The following NAV2 variants were observed in gnomAD, a reference collection of about 807,000 sequenced individuals.
NAV2 encodes neuron navigator 2, also known as helicase, APC down-regulated 1.
A neutral mutation model predicts 223.2 loss-of-function variants in NAV2; 54 were observed. The observed-to-expected ratio is 0.24, with a 90% confidence interval of 0.19 to 0.30. The LOEUF (loss-of-function observed/expected upper bound fraction) is 0.30, where lower values mean the gene tolerates loss of function less well. Ranked by LOEUF, NAV2 falls within the 10% of genes least tolerant of loss-of-function variation. The probability of loss-of-function intolerance (pLI) is 1.00; values close to 1 mark genes in which losing one functional copy is unlikely to be tolerated. For missense variants in NAV2, 2,806 were observed against 3,147.5 expected (o/e 0.89, Z 2.60); for synonymous variants, 1,279 against 1,239.3 (o/e 1.03, Z -0.67).
At position 19,690,181 on chromosome 11, in the gene NAV2, A is replaced by G. The variant is rs1258749209; in HGVS notation, c.76-142303A>G. On this transcript the variant is annotated intron_variant, in intron 1 of 37. Coordinates refer to the NAV2 transcript ENST00000360655. Reference sequence around the variant, plus strand: ...TTCACCATGTTGGTCAGGCTGCTCTAGAACTCCTGACCTTAGGTGATCCAC... The same window carrying G: ...TTCACCATGTTGGTCAGGCTGCTCTGGAACTCCTGACCTTAGGTGATCCAC... Among the ~76,000 whole-genome samples, 3 of 152,122 alleles carry G rather than the reference A, an allele frequency of 2.0e-5. No homozygotes were observed. The East Asian group carries it at 5.8e-4, about 29-fold the overall frequency.
intron 10 of NAV2, chr11:19,978,741 CCT>C (rs907214238): frequency 3.3e-5 from 5 of 149,544 alleles, no homozygotes; most frequent in African/African-American, 1.2e-4. Context: ...TTCTCTGTCC[CCT>C]CTCTCCTCAC....
chr11:19,890,423 A>G (rs538889801), intron 5 of NAV2, among the ~76,000 whole-genome samples: 2 of 152,324 alleles, frequency 1.3e-5, no homozygotes, highest in African/African-American at 4.8e-5. Flanking sequence ...GCTCTCCAGC[A>G]ACTCTGAAAG....
chr11:19,521,382 C>A (rs2043650460), intron 1 of NAV2, among the ~76,000 whole-genome samples: 1 of 152,162 alleles, frequency 6.6e-6, no homozygotes, highest in African/African-American at 2.4e-5. Context: ...CTTTGAGGAG[C>A]ACAGGCTTTA....
intron 1 of NAV2, among the ~76,000 whole-genome samples, chr11:19,435,666 C>T (rs1441553485): frequency 2.6e-5 from 4 of 152,106 alleles, no homozygotes; most frequent in African/African-American, 9.7e-5. Context: ...TTCCAAAATG[C>T]CTATACTGAT....
At chr11:19,468,130 C>T (rs1003531136) in intron 1 of NAV2, among the ~76,000 whole-genome samples, 3 of 152,190 alleles carry the variant, frequency 2.0e-5, no homozygotes, top group Admixed American at 1.3e-4. Flanking sequence ...TTGAGTCAGA[C>T]AAACTTGGCT....
At position 19,907,537 on chromosome 11, in the gene NAV2, A is replaced by G. The variant is rs910517027; in HGVS notation, c.931+14943A>G. Among the ~76,000 whole-genome samples, 7 of 148,154 alleles carry G rather than the reference A, an allele frequency of 4.7e-5. 1 individual carries two copies. Among genetic ancestry groups the G allele is most frequent in the Middle Eastern group, 3.2e-3 (1 of 308 alleles). On this transcript the variant is annotated intron_variant, in intron 6 of 37. Transcript: ENST00000349880. ...CACTGCCACTCATAGGGGGAGGGGG[A>G]ATTTGAGACAGAAGTATTGATTGAA...
intron 1 of NAV2, among the ~76,000 whole-genome samples, chr11:19,537,708 T>C (rs2044228613): frequency 6.6e-6 from 1 of 152,272 alleles, no homozygotes; most frequent in African/African-American, 2.4e-5. Context: ...TCCTTAGTTC[T>C]AGACACAATC....
intron 1 of NAV2, among the ~76,000 whole-genome samples, chr11:19,655,377 C>G (rs1327096027): frequency 1.3e-5 from 2 of 152,112 alleles, no homozygotes; most frequent in African/African-American, 2.4e-5. Flanking sequence ...TTTGACCCAG[C>G]CATCCCATTA....
intron 10 of NAV2, among the ~76,000 whole-genome samples, chr11:19,958,888 G>T (rs1339118880): frequency 1.3e-5 from 2 of 152,210 alleles, no homozygotes; most frequent in African/African-American, 4.8e-5. Flanking sequence ...GCTCAGGTTA[G>T]AAGCTATTCC....
At chr11:20,105,379 T>C (rs189883411) in intron 34 of NAV2, 152 bp from the exon 35 acceptor site, 115 of 596,214 alleles carry the variant, frequency 1.9e-4, no homozygotes, top group Non-Finnish European at 6.2e-5. Context: ...TAATACATAG[T>C]TACAATGTTT....
intron 1 of NAV2, among the ~76,000 whole-genome samples, chr11:19,381,827 G>A (rs986880152): frequency 6.6e-6 from 1 of 152,210 alleles, no homozygotes; most frequent in Non-Finnish European, 1.5e-5. Context: ...AAGAGAGATG[G>A]GAGATACAGG....
intron 1 of NAV2, among the ~76,000 whole-genome samples, chr11:19,489,497 C>T (rs999567680): frequency 6.6e-6 from 1 of 152,222 alleles, no homozygotes; most frequent in African/African-American, 2.4e-5. Flanking sequence ...ACTTTTATCA[C>T]TTCCTACATC....
At chr11:20,047,951 C>A (rs970578217) in intron 14 of NAV2, among the ~76,000 whole-genome samples, 1 of 152,186 alleles carries the variant, frequency 6.6e-6, no homozygotes, top group African/African-American at 2.4e-5. Flanking sequence ...CCAGAGAGTT[C>A]TCTGCCAGTG....
chr11:19,604,040 G>A (rs542327032), intron 1 of NAV2, among the ~76,000 whole-genome samples: 37 of 152,080 alleles, frequency 2.4e-4, no homozygotes, highest in African/African-American at 8.9e-4. Flanking sequence ...AGGGAGCAAG[G>A]GGAAGAGAAG....
At chr11:19,818,952 T>G (rs1172902667) in intron 1 of NAV2, among the ~76,000 whole-genome samples, 1 of 152,186 alleles carries the variant, frequency 6.6e-6, no homozygotes, top group Non-Finnish European at 1.5e-5. Context: ...TTCATCTCTT[T>G]TTTTCCACCC....
At chr11:19,695,579 C>T (rs557747968) in intron 1 of NAV2, among the ~76,000 whole-genome samples, 4 of 152,234 alleles carry the variant, frequency 2.6e-5, no homozygotes, top group Middle Eastern at 3.4e-3. Context: ...GAGTTTTGTC[C>T]CTTCTGGTTT....
intron 10 of NAV2, among the ~76,000 whole-genome samples, chr11:19,950,340 C>T (rs2047280132): frequency 6.6e-6 from 1 of 152,162 alleles, no homozygotes; most frequent in South Asian, 2.1e-4. Flanking sequence ...ATCTCCATAG[C>T]AATCCTTTGA....
intron 14 of NAV2, among the ~76,000 whole-genome samples, chr11:20,046,203 G>T (rs1022491088): frequency 8.0e-6 from 1 of 124,288 alleles, no homozygotes. Flanking sequence ...TGGCATGGTG[G>T]TATGCACCTG....
intron 1 of NAV2, among the ~76,000 whole-genome samples, chr11:19,627,926 A>AAAGAAG (rs962025631): frequency 1.4e-5 from 2 of 139,918 alleles, no homozygotes; most frequent in African/African-American, 5.6e-5. Flanking sequence ...AAAAAAAAAA[A>AAAGAAG]AAGAAGAAGA....
Sources: gnomAD v4.1 joint callset for allele counts (sites outside exome capture counted in the v4.1 genomes callset) on GRCh38, gnomAD v4.1.1 for gene constraint, MANE v1.5 for transcripts, NCBI Gene and HGNC (gene_info 2026-07-23, HGNC 2026-07-21) for gene names.